The following B3GALNT2 variants were observed in gnomAD, a reference collection of about 807,000 sequenced individuals.
B3GALNT2 encodes the protein beta-1,3-N-acetylgalactosaminyltransferase 2.
Under a neutral mutation model 61.1 loss-of-function variants are expected in B3GALNT2, and 53 were observed. That is an observed-to-expected ratio of 0.87 (90% CI 0.70 to 1.09). The LOEUF is 1.09. Among genes scored for constraint, B3GALNT2 ranks in the 50% least tolerant of loss-of-function variants. B3GALNT2 has a pLI of 0.00. For missense variants in B3GALNT2, 544 were observed against 623.0 expected, an observed-to-expected ratio of 0.87 and a Z score of 1.35; for synonymous variants, 223 against 237.4, an observed-to-expected ratio of 0.94 and a Z score of 0.56.
At chr1:235,498,402 T>C (rs1238413630) in intron 1 of B3GALNT2, among the ~76,000 whole-genome samples, 1 of 152,160 alleles carries the variant, frequency 6.6e-6, no homozygotes, top group African/African-American at 2.4e-5. Context: ...TATGAAAACA[T>C]GTTCAACTTC....
At chr1:235,489,291 C>T in intron 2 of B3GALNT2, 23 bp from the exon 3 acceptor site, 2 of 1,611,328 alleles carry the variant, frequency 1.2e-6, no homozygotes, top group South Asian at 1.1e-5. Context: ...TTGGCATTAA[C>T]ATCAGTTACT....
intron 5 of B3GALNT2, among the ~76,000 whole-genome samples, chr1:235,473,250 T>C (rs1176640879): frequency 6.6e-6 from 1 of 152,196 alleles, no homozygotes; most frequent in African/African-American, 2.4e-5. Context: ...TAAATAATAT[T>C]TTTTTCCTCC....
At chr1:235,470,751 G>T in intron 6 of B3GALNT2, 99 bp downstream of exon 6, 1 of 1,482,764 alleles carries the variant, frequency 6.7e-7, no homozygotes, top group Non-Finnish European at 9.0e-7. Context: ...AAGAATCATT[G>T]CTCCATGCTG....
chr1:235,444,996 T>C (rs1682148402), downstream of B3GALNT2, among the ~76,000 whole-genome samples: 1 of 152,256 alleles, frequency 6.6e-6, no homozygotes, highest in Admixed American at 6.5e-5. Context: ...ACCTGACTGG[T>C]ATCCCAGGTC....
rs548827011 is a variant in B3GALNT2, at chr1:235,450,512, G to GA, written c.1369-173dup. On this transcript the variant is annotated intron_variant, in intron 11 of 11. Transcript: ENST00000366600. ...TTGGGGGTGGCACCTCCTGATTTGG[G>GA]AAAGCACCAGGTCCCACAGTCCTGT... The GA allele has an allele frequency of 1.4e-3, 958 of 687,544 alleles. 7 individuals carry two copies. In the African/African-American group the frequency reaches 0.016, roughly 11 times the overall value. 42.6% of individuals were successfully genotyped at this position (687,544 alleles called of 1,614,324 possible).
At chr1:235,469,065 A>G (rs1404181672) in intron 6 of B3GALNT2, among the ~76,000 whole-genome samples, 1 of 152,222 alleles carries the variant, frequency 6.6e-6, no homozygotes, top group Non-Finnish European at 1.5e-5. Context: ...GTATAACTAC[A>G]TATGAATCTA....
rs955249712 is a variant in B3GALNT2, at chr1:235,458,732, T to A, written c.896A>T (p.His299Leu). The A allele has an allele frequency of 1.4e-5, 22 of 1,612,494 alleles. No individual in the cohort carries two copies. Among genetic ancestry groups the A allele is most frequent in the Non-Finnish European group, 1.9e-5 (22 of 1,179,400 alleles). ...ATCTTCCTCATGGAGATTCCTTATATGATCAATAAGTCTTTGAGGGCGAGA... is the reference window on the plus strand; with the variant it reads ...ATCTTCCTCATGGAGATTCCTTATAAGATCAATAAGTCTTTGAGGGCGAGA... ...LHSRPQRLIDHIRNLHEEDAL... is the reference protein window; with the variant it reads ...LHSRPQRLIDLIRNLHEEDAL... Residue 299 changes from histidine to leucine, a missense_variant, in exon 8 of 12, where the codon CAT becomes CTT. Physicochemically the swap from His to Leu is moderately conservative, Grantham distance 99. Transcript: ENST00000366600.
rs370626403 is a variant in B3GALNT2 at position 235,447,317 on chromosome 1, A to G, written c.*2889T>C. On this transcript the variant is annotated 3_prime_UTR_variant, in exon 12 of 12. Coordinates refer to ENST00000366600, the MANE Select transcript of B3GALNT2 (RefSeq NM_152490.5). ...GAAAAATATGTTTGAATACACTGTG[A>G]TATTTGTAGGAACACCACACTATTG... Among the ~76,000 whole-genome samples, 3 of 152,364 alleles carry G rather than the reference A, an allele frequency of 2.0e-5. No homozygotes were observed. Among genetic ancestry groups the G allele is most frequent in the African/African-American group, 7.2e-5 (3 of 41,596 alleles).
At chr1:235,457,252 C>T (rs2102787390) in intron 8 of B3GALNT2, among the ~76,000 whole-genome samples, 1 of 152,236 alleles carries the variant, frequency 6.6e-6, no homozygotes. Context: ...CCCACTCTGC[C>T]TAGGGCAACA....
chr1:235,475,710 A>G (rs184172263), intron 5 of B3GALNT2, among the ~76,000 whole-genome samples: 113 of 152,286 alleles, frequency 7.4e-4, no homozygotes, highest in African/African-American at 2.7e-3. Flanking sequence ...TTTTCTTTCT[A>G]TTATATAAAG....
At chr1:235,470,336 A>G (rs1683927230) in intron 6 of B3GALNT2, among the ~76,000 whole-genome samples, 1 of 152,156 alleles carries the variant, frequency 6.6e-6, no homozygotes, top group Non-Finnish European at 1.5e-5. Context: ...TCATGCCTGT[A>G]ATACAGCACT....
At chr1:235,474,021 C>T (rs1176967959) in intron 5 of B3GALNT2, among the ~76,000 whole-genome samples, 1 of 152,152 alleles carries the variant, frequency 6.6e-6, no homozygotes, top group African/African-American at 2.4e-5. Flanking sequence ...CCTAGTCCTC[C>T]CAAATCATCT....
chr1:235,468,733 G>A (rs1054353815), intron 6 of B3GALNT2, among the ~76,000 whole-genome samples: 2 of 152,078 alleles, frequency 1.3e-5, no homozygotes, highest in African/African-American at 4.8e-5. Flanking sequence ...TTACAGGCGT[G>A]AGCCACCGCG....
intron 1 of B3GALNT2, chr1:235,496,277 C>T (rs978934633): frequency 3.4e-5 from 21 of 618,486 alleles, no homozygotes; most frequent in Non-Finnish European, 4.5e-5. Context: ...CGCCATTGCA[C>T]TCCAGCCTGG....
chr1:235,445,426 C>T (rs1004172021), downstream of B3GALNT2, among the ~76,000 whole-genome samples: 4 of 152,100 alleles, frequency 2.6e-5, no homozygotes, highest in East Asian at 5.8e-4. Context: ...CCCAGGAGTT[C>T]GAGACCAGCC....
chr1:235,454,112 T>C, intron 10 of B3GALNT2, 44 bp downstream of exon 10: 1 of 1,528,476 alleles, frequency 6.5e-7, no homozygotes, highest in Non-Finnish European at 8.9e-7. Context: ...GTGTTGTGAT[T>C]ACTGGCAAGA....
the B3GALNT2 span, among the ~76,000 whole-genome samples, chr1:235,440,233 G>GT: frequency 3.3e-5 from 5 of 152,188 alleles, no homozygotes; most frequent in African/African-American, 4.8e-5. Context: ...GCCTCCCAGA[G>GT]TGCTGGGATT....
At chr1:235,463,192 A>C (rs953305763) in intron 7 of B3GALNT2, among the ~76,000 whole-genome samples, 1 of 152,184 alleles carries the variant, frequency 6.6e-6, no homozygotes, top group Admixed American at 6.5e-5. Flanking sequence ...ATGCAAAGGC[A>C]TAAGAATGAT....
At chr1:235,442,994 C>T (rs1414739641), downstream of B3GALNT2, 1 of 1,383,798 alleles carries the variant, frequency 7.2e-7, no homozygotes, top group African/African-American at 1.4e-5. Context: ...ACCTTTAACT[C>T]ATGTCTCAAA....
Sources: gnomAD v4.1 joint callset for allele counts (sites outside exome capture counted in the v4.1 genomes callset) on GRCh38, gnomAD v4.1.1 for gene constraint, MANE v1.5 for transcripts, NCBI Gene and HGNC (gene_info 2026-07-23, HGNC 2026-07-21) for gene names.